The following CDH13 variants were observed in gnomAD, a reference collection of about 807,000 sequenced individuals.
The protein encoded by CDH13 is cadherin-13.
In CDH13, 24 loss-of-function variants were observed where a neutral mutation model predicts 63.8. That is an observed-to-expected ratio of 0.38 (90% confidence interval 0.27 to 0.53). The LOEUF (loss-of-function observed/expected upper bound fraction) is 0.53, where lower values mean the gene tolerates loss of function less well. CDH13 is among the 20% of genes least tolerant of loss of function. The pLI is 0.85. For synonymous variants in CDH13, 503 were observed against 355.3 expected (o/e 1.42, Z -4.67); for missense variants, 1,049 against 903.1 (o/e 1.16, Z -2.07).
intron 6 of CDH13, among the ~76,000 whole-genome samples, chr16:83,456,658 T>C (rs1268093898): frequency 6.6e-6 from 1 of 152,094 alleles, no homozygotes; most frequent in Non-Finnish European, 1.5e-5. Context: ...AATGATGTGT[T>C]GCATCAGAAA....
At chr16:83,000,699 C>T (rs913961941) in intron 2 of CDH13, among the ~76,000 whole-genome samples, 1 of 151,462 alleles carries the variant, frequency 6.6e-6, no homozygotes, top group African/African-American at 2.4e-5. Context: ...CCTGCCTCAG[C>T]TTCCCAGGTA....
At chr16:83,327,110 C>A (rs144092708) in intron 5 of CDH13, among the ~76,000 whole-genome samples, 2 of 152,316 alleles carry the variant, frequency 1.3e-5, no homozygotes, top group African/African-American at 4.8e-5. Context: ...AAGGCAGGGA[C>A]AGATGGAATC....
chr16:83,531,063 G>A lies in CDH13; in HGVS notation c.960+44408G>A, dbSNP rs537422312. ...TACGAGCATTAAATAACTTTCTTCC[G>A]GTAAAGTTCTTGGTGTTGTTTCTGA... On this transcript the variant is annotated intron_variant, in intron 7 of 13. Transcript: ENST00000567109. Among the ~76,000 whole-genome samples the A allele has an allele frequency of 1.6e-4, 24 of 152,222 alleles. No homozygotes were observed. The East Asian group carries it at 2.1e-3, about 13-fold the overall frequency.
chr16:82,901,422 T>C (rs1169737408), intron 2 of CDH13, among the ~76,000 whole-genome samples: 1 of 151,098 alleles, frequency 6.6e-6, no homozygotes, highest in African/African-American at 2.4e-5. Flanking sequence ...CAAGCTGACC[T>C]TGTTTTTCAT....
At chr16:83,748,838 G>T (rs1273824386) in intron 11 of CDH13, among the ~76,000 whole-genome samples, 1 of 152,204 alleles carries the variant, frequency 6.6e-6, no homozygotes, top group East Asian at 1.9e-4. Context: ...GAGCTGACGT[G>T]CAGAAAGGAG....
At chr16:83,450,761 T>C (rs574154266) in intron 6 of CDH13, among the ~76,000 whole-genome samples, 6 of 152,056 alleles carry the variant, frequency 3.9e-5, no homozygotes, top group Non-Finnish European at 8.8e-5. Flanking sequence ...TCCCAGCTCC[T>C]TGGGAAGCTG....
At chr16:83,405,812 A>G (rs1467769998) in intron 6 of CDH13, among the ~76,000 whole-genome samples, 2 of 152,216 alleles carry the variant, frequency 1.3e-5, no homozygotes, top group African/African-American at 4.8e-5. Context: ...TTGGAGGCAG[A>G]GGCTGTGGTT....
At chr16:83,708,631 T>C (rs1907517413) in intron 10 of CDH13, among the ~76,000 whole-genome samples, 1 of 152,168 alleles carries the variant, frequency 6.6e-6, no homozygotes, top group South Asian at 2.1e-4. Context: ...GTCCTTACCT[T>C]ATACAGTAAA....
chr16:82,708,734 C>G (rs2031686280), intron 1 of CDH13, among the ~76,000 whole-genome samples: 2 of 152,142 alleles, frequency 1.3e-5, no homozygotes, highest in Admixed American at 6.5e-5. Flanking sequence ...CTGCGCTTAT[C>G]CAATCAGATG....
At chr16:82,793,504 C>A (rs1042112749) in intron 1 of CDH13, among the ~76,000 whole-genome samples, 1 of 152,166 alleles carries the variant, frequency 6.6e-6, no homozygotes, top group Non-Finnish European at 1.5e-5. Flanking sequence ...GAGTTCGGTA[C>A]CTCAAGTTTC....
intron 4 of CDH13, among the ~76,000 whole-genome samples, chr16:83,215,416 T>C (rs905055384): frequency 6.6e-6 from 1 of 152,036 alleles, no homozygotes; most frequent in Non-Finnish European, 1.5e-5. Flanking sequence ...GTATCCAATT[T>C]TCAGTTACTC....
chr16:83,450,187 T>C (rs1461270001), intron 6 of CDH13, among the ~76,000 whole-genome samples: 1 of 152,226 alleles, frequency 6.6e-6, no homozygotes, highest in Non-Finnish European at 1.5e-5. Flanking sequence ...AGATAGCTCC[T>C]GCAGGGAGGT....
chr16:82,696,496 T>C (rs2030306440), intron 1 of CDH13, among the ~76,000 whole-genome samples: 1 of 152,208 alleles, frequency 6.6e-6, no homozygotes, highest in Non-Finnish European at 1.5e-5. Flanking sequence ...GCTTTGCAGT[T>C]AAGTTCTGCA....
At chr16:83,631,810 C>T (rs1407111987) in intron 8 of CDH13, among the ~76,000 whole-genome samples, 1 of 152,202 alleles carries the variant, frequency 6.6e-6, no homozygotes, top group Non-Finnish European at 1.5e-5. Flanking sequence ...CGCCAATGAA[C>T]TTGTAGGTTG....
At chr16:83,044,908 G>A (rs1917640006) in intron 3 of CDH13, among the ~76,000 whole-genome samples, 1 of 152,150 alleles carries the variant, frequency 6.6e-6, no homozygotes, top group Non-Finnish European at 1.5e-5. Context: ...ATATAGGATA[G>A]AACAAGATAA....
intron 6 of CDH13, 50 bp downstream of exon 6, chr16:83,345,056 C>G (rs2151364765): frequency 6.3e-7 from 1 of 1,587,918 alleles, no homozygotes; most frequent in South Asian, 1.1e-5. Context: ...AAGAGGCACA[C>G]TTTGATCTTT....
chr16:83,787,404 G>A (rs771952200), intron 13 of CDH13, among the ~76,000 whole-genome samples: 1 of 152,180 alleles, frequency 6.6e-6, no homozygotes, highest in Non-Finnish European at 1.5e-5. Flanking sequence ...TGAGGTTAGA[G>A]TCAGCCCACA....
At position 82,818,709 on chromosome 16, in the gene CDH13, C is replaced by T. The variant is rs114940304; in HGVS notation, c.46-39653C>T. Among the ~76,000 whole-genome samples, 340 of 152,262 alleles carry T rather than the reference C, an allele frequency of 2.2e-3. 2 individuals carry two copies. Among genetic ancestry groups the T allele is most frequent in the African/African-American group, 7.8e-3 (323 of 41,552 alleles). On this transcript the variant is annotated intron_variant, in intron 1 of 13. Transcript: ENST00000567109. The stretch of plus-strand genomic sequence containing the variant: ...GCATTTTCCAAAAAAAAGGCAGTGA[C>T]GGTGCCTCACATCTGGCCACAGGCA...
At chr16:83,705,431 G>T (rs992286502) in intron 10 of CDH13, among the ~76,000 whole-genome samples, 2 of 152,136 alleles carry the variant, frequency 1.3e-5, no homozygotes, top group Non-Finnish European at 2.9e-5. Flanking sequence ...GACCATCCTG[G>T]CTAACACGGT....
Sources: gnomAD v4.1 joint callset for allele counts (sites outside exome capture counted in the v4.1 genomes callset) on GRCh38, gnomAD v4.1.1 for gene constraint, MANE v1.5 for transcripts, NCBI Gene and HGNC (gene_info 2026-07-23, HGNC 2026-07-21) for gene names.